Variants in ACSS3 observed in about 807,000 individuals in gnomAD.
ACSS3 encodes the protein acyl-CoA synthetase short chain family member 3.
Under a neutral mutation model 84.2 loss-of-function variants are expected in ACSS3, and 64 were observed. That is an observed-to-expected ratio of 0.76 (90% CI 0.62 to 0.94). The LOEUF (loss-of-function observed/expected upper bound fraction) is 0.94, where lower values mean the gene tolerates loss of function less well. Ranked by LOEUF, ACSS3 falls within the 40% of genes least tolerant of loss-of-function variation. The probability of loss-of-function intolerance (pLI) is 0.00; values close to 1 mark genes in which losing one functional copy is unlikely to be tolerated. For missense variants in ACSS3, 815 were observed against 867.6 expected, an observed-to-expected ratio of 0.94 and a Z score of 0.76; for synonymous variants, 317 against 310.1, an observed-to-expected ratio of 1.02 and a Z score of -0.23.
intron 1 of ACSS3, among the ~76,000 whole-genome samples, chr12:81,092,768 A>G (rs1881752955): frequency 6.6e-6 from 1 of 152,188 alleles, no homozygotes; most frequent in African/African-American, 2.4e-5. Context: ...CAAATTATCA[A>G]AATGTTAATG....
At chr12:81,080,895 A>G (rs1259512076) in intron 1 of ACSS3, among the ~76,000 whole-genome samples, 2 of 152,222 alleles carry the variant, frequency 1.3e-5, no homozygotes, top group African/African-American at 4.8e-5. Context: ...TTTAGGCACA[A>G]TTTGGTGTGA....
intron 2 of ACSS3, among the ~76,000 whole-genome samples, chr12:81,122,396 G>C (rs998705149): frequency 6.6e-6 from 1 of 152,004 alleles, no homozygotes; most frequent in East Asian, 1.9e-4. Context: ...ATTAACAGTA[G>C]AAATTAATGT....
intron 7 of ACSS3, among the ~76,000 whole-genome samples, chr12:81,166,924 A>G (rs1249702196): frequency 6.6e-6 from 1 of 152,224 alleles, no homozygotes; most frequent in Non-Finnish European, 1.5e-5. Context: ...GCAAAGTCTC[A>G]TTAATCACAC....
At chr12:81,131,626 C>T (rs911543852) in intron 2 of ACSS3, among the ~76,000 whole-genome samples, 10 of 152,136 alleles carry the variant, frequency 6.6e-5, no homozygotes, top group African/African-American at 2.4e-4. Context: ...ATTTCTTTCT[C>T]CTGCCTGATT....
At chr12:81,136,993 G>A (rs1885835834) in intron 3 of ACSS3, among the ~76,000 whole-genome samples, 1 of 152,090 alleles carries the variant, frequency 6.6e-6, no homozygotes, top group Non-Finnish European at 1.5e-5. Flanking sequence ...CATTCTTAAT[G>A]GGAAGAAAGC....
chr12:81,212,583 A>G (rs886497860), intron 9 of ACSS3, among the ~76,000 whole-genome samples: 2 of 152,212 alleles, frequency 1.3e-5, no homozygotes, highest in Non-Finnish European at 2.9e-5. Context: ...AGAATTTTTC[A>G]TCAGTAAAAA....
chr12:81,132,534 T>A (rs1000658654), intron 2 of ACSS3, among the ~76,000 whole-genome samples: 2 of 152,168 alleles, frequency 1.3e-5, no homozygotes, highest in Non-Finnish European at 2.9e-5. Context: ...TCTTTATTAG[T>A]CTTGCTAGCA....
chr12:81,154,813 A>T (rs886261843), intron 7 of ACSS3, among the ~76,000 whole-genome samples: 1 of 152,062 alleles, frequency 6.6e-6, no homozygotes, highest in African/African-American at 2.4e-5. Flanking sequence ...CCTTTAGGTG[A>T]TCCTTTCCTC....
At chr12:81,090,151 G>GT (rs1235330448) in intron 1 of ACSS3, among the ~76,000 whole-genome samples, 3 of 151,996 alleles carry the variant, frequency 2.0e-5, no homozygotes, top group Non-Finnish European at 2.9e-5. Context: ...TTAGAGAAAT[G>GT]TAAGTCCTCA....
intron 8 of ACSS3, among the ~76,000 whole-genome samples, chr12:81,197,111 T>G (rs191217283): frequency 2.0e-5 from 3 of 152,282 alleles, no homozygotes; most frequent in African/African-American, 7.2e-5. Flanking sequence ...GGATGTTTTA[T>G]CACAATTTAA....
chr12:81,132,262 T>G (rs891753840), intron 2 of ACSS3, among the ~76,000 whole-genome samples: 2 of 152,048 alleles, frequency 1.3e-5, no homozygotes, highest in East Asian at 1.9e-4. Flanking sequence ...GGTCCTGGAC[T>G]TTTTTTTGGT....
intron 13 of ACSS3, among the ~76,000 whole-genome samples, chr12:81,247,247 A>T (rs1427446867): frequency 6.6e-6 from 1 of 152,128 alleles, no homozygotes; most frequent in Non-Finnish European, 1.5e-5. Context: ...TCCAATATTC[A>T]CCTGCATTTC....
chr12:81,146,574 T>C (rs1886352240), intron 5 of ACSS3, among the ~76,000 whole-genome samples: 1 of 152,182 alleles, frequency 6.6e-6, no homozygotes, highest in Non-Finnish European at 1.5e-5. Flanking sequence ...TTAAAGCATA[T>C]TTGCATATCA....
intron 1 of ACSS3, chr12:81,094,635 A>C (rs977911398): frequency 6.6e-5 from 10 of 152,224 alleles, no homozygotes; most frequent in Non-Finnish European, 1.0e-4. Context: ...GTTGAGCAGA[A>C]TGAGTTAATG....
intron 13 of ACSS3, among the ~76,000 whole-genome samples, chr12:81,240,294 A>G (rs1187188692): frequency 6.6e-6 from 1 of 152,022 alleles, no homozygotes; most frequent in Non-Finnish European, 1.5e-5. Context: ...CTTTATCATT[A>G]TGTAATGCTC....
intron 2 of ACSS3, among the ~76,000 whole-genome samples, chr12:81,116,813 T>C (rs2121525404): frequency 6.6e-6 from 1 of 152,302 alleles, no homozygotes; most frequent in South Asian, 2.1e-4. Context: ...AATCATTATC[T>C]AAGATAAATG....
In ACSS3 at chr12:81,103,446, T is replaced by C. The variant is rs530000911; in HGVS notation, c.312-6114T>C. On this transcript the variant is annotated intron_variant, in intron 1 of 15. Transcript: ENST00000548058. ...TGGAATGATTTTATTTAAAATGAAA[T>C]AAGAAACTTGTCATAGTAGAATAAT... Among the ~76,000 whole-genome samples, 6 of 152,270 alleles carry C rather than the reference T, an allele frequency of 3.9e-5. No individual in the cohort carries two copies. The South Asian group carries it at 1.2e-3, about 32-fold the overall frequency.
intron 7 of ACSS3, among the ~76,000 whole-genome samples, chr12:81,164,451 G>A (rs904038461): frequency 2.0e-5 from 3 of 152,148 alleles, no homozygotes; most frequent in Non-Finnish European, 4.4e-5. Context: ...TTATACATGT[G>A]TAAATAAGAG....
chr12:81,079,497 G>A (rs1235949258), intron 1 of ACSS3, among the ~76,000 whole-genome samples: 1 of 152,200 alleles, frequency 6.6e-6, no homozygotes, highest in Non-Finnish European at 1.5e-5. Flanking sequence ...GAATGGAATT[G>A]GCTAGAGCCT....
Sources: gnomAD v4.1 joint callset for allele counts (sites outside exome capture counted in the v4.1 genomes callset) on GRCh38, gnomAD v4.1.1 for gene constraint, MANE v1.5 for transcripts, NCBI Gene and HGNC (gene_info 2026-07-23, HGNC 2026-07-21) for gene names.